The following SLC60A1 variants were observed in gnomAD, a reference collection of about 807,000 sequenced individuals.
SLC60A1 encodes major facilitator superfamily domain containing 4.
chr1:205,584,923 G>C, the SLC60A1 span: 20 of 1,614,090 alleles, frequency 1.2e-5, no homozygotes, highest in Non-Finnish European at 1.7e-5. Context: ...CCTCAGAGGA[G>C]CCCCTTATTC....
chr1:205,579,698 G>A, the SLC60A1 span: 22 of 1,596,244 alleles, frequency 1.4e-5, no homozygotes, highest in Admixed American at 3.7e-4. Context: ...GGAGGAGAAG[G>A]GGGAGGGGAT....
At chr1:205,600,330 AGCTC>A in the SLC60A1 span, 1 of 1,456,306 alleles carries the variant, frequency 6.9e-7, no homozygotes, top group East Asian at 2.3e-5. Context: ...AGCCTGGGTA[AGCTC>A]TCAGAATGAA....
the SLC60A1 span, chr1:205,583,926 G>T: frequency 5.6e-6 from 9 of 1,604,592 alleles, no homozygotes; most frequent in Non-Finnish European, 7.6e-6. Context: ...TCAGGGCAGG[G>T]CTCTCCTGAC....
chr1:205,595,004 A>T, the SLC60A1 span: 1 of 152,368 alleles, frequency 6.6e-6, no homozygotes, highest in African/African-American at 2.4e-5. Context: ...GGTGAGGACC[A>T]TGTACTAAGC....
chr1:205,584,797 G>A, the SLC60A1 span: 1 of 1,338,602 alleles, frequency 7.5e-7, no homozygotes, highest in African/African-American at 1.4e-5. Flanking sequence ...TCTTCTGACT[G>A]CCAGCCACGG....
At chr1:205,588,361 T>C in the SLC60A1 span, among the ~76,000 whole-genome samples, 2 of 149,240 alleles carry the variant, frequency 1.3e-5, no homozygotes, top group South Asian at 2.1e-4. Context: ...TCCCAACTAC[T>C]CAGGAGGCTG....
chr1:205,586,790 A>C, the SLC60A1 span, among the ~76,000 whole-genome samples: 1 of 151,138 alleles, frequency 6.6e-6, no homozygotes, highest in Non-Finnish European at 1.5e-5. Context: ...TCTGTCTCCC[A>C]GGTTCAAGTG....
the SLC60A1 span, chr1:205,586,074 A>T: frequency 6.2e-7 from 1 of 1,612,122 alleles, no homozygotes; most frequent in South Asian, 1.1e-5. Flanking sequence ...GCTGTGGAGA[A>T]GCCCCTGTCT....
the SLC60A1 span, among the ~76,000 whole-genome samples, chr1:205,571,061 C>T: frequency 6.6e-6 from 1 of 152,122 alleles, no homozygotes; most frequent in East Asian, 1.9e-4. Context: ...AACTGGCTCA[C>T]AGAAGAGAAA....
chr1:205,578,963 C>T, the SLC60A1 span, among the ~76,000 whole-genome samples: 2 of 152,166 alleles, frequency 1.3e-5, no homozygotes, highest in Non-Finnish European at 2.9e-5. Flanking sequence ...CCAAAAAAGA[C>T]CTTGACAGAG....
chr1:205,600,199 C>T, the SLC60A1 span: 3 of 520,854 alleles, frequency 5.8e-6, no homozygotes, highest in Non-Finnish European at 6.9e-6. Context: ...GAGACAGACA[C>T]ATTCCCCAAG....
chr1:205,594,499 T>C, the SLC60A1 span, among the ~76,000 whole-genome samples: 1 of 151,920 alleles, frequency 6.6e-6, no homozygotes, highest in Non-Finnish European at 1.5e-5. Context: ...CTACTAAAAG[T>C]ACAAAAATTA....
chr1:205,580,203 T>C, the SLC60A1 span, among the ~76,000 whole-genome samples: 1 of 152,024 alleles, frequency 6.6e-6, no homozygotes, highest in Non-Finnish European at 1.5e-5. The surrounding 1 kb of genome is among the most constrained non-coding windows in gnomAD (Gnocchi z 5.0). Flanking sequence ...AGGGCTTGCC[T>C]CCCCTCTCCT....
chr1:205,592,125 C>T, the SLC60A1 span: 5 of 1,613,766 alleles, frequency 3.1e-6, no homozygotes, highest in Non-Finnish European at 4.2e-6. Flanking sequence ...ACCGCCTCCA[C>T]CTCTGCCGCG....
the SLC60A1 span, chr1:205,592,161 C>T: frequency 5.6e-6 from 9 of 1,614,008 alleles, no homozygotes; most frequent in African/African-American, 6.7e-5. Flanking sequence ...GGTGACGTTC[C>T]TGGTGCTGCT....
chr1:205,591,504 G>GAAAAAAA, the SLC60A1 span, among the ~76,000 whole-genome samples: 6 of 71,710 alleles, frequency 8.4e-5, no homozygotes, highest in Admixed American at 4.1e-4. Context: ...AAAAAAAAAG[G>GAAAAAAA]AAAGAAAAGA....
chr1:205,597,893 A>G, the SLC60A1 span: 1 of 1,581,210 alleles, frequency 6.3e-7, no homozygotes. Flanking sequence ...TTTGGGGAGC[A>G]CTCCTCTGAC....
chr1:205,574,646 TG>T, the SLC60A1 span, among the ~76,000 whole-genome samples: 3 of 152,102 alleles, frequency 2.0e-5, no homozygotes, highest in Non-Finnish European at 2.9e-5. Flanking sequence ...TGGCACATTT[TG>T]GGGGCCACTT....
chr1:205,578,508 A>G, the SLC60A1 span, among the ~76,000 whole-genome samples: 1 of 152,182 alleles, frequency 6.6e-6, no homozygotes, highest in Non-Finnish European at 1.5e-5. Flanking sequence ...TAATCTCCCC[A>G]GCAGATCAGC....
Sources: allele counts gnomAD v4.1 joint callset (sites outside exome capture counted in the v4.1 genomes callset), GRCh38; gene constraint gnomAD v4.1.1; non-coding constraint Gnocchi (gnomAD v3.1); transcripts MANE v1.5; gene names NCBI Gene and HGNC (gene_info 2026-07-23, HGNC 2026-07-21).